MYO1D: variants seen among roughly 807,000 people sequenced by gnomAD.
MYO1D encodes the protein myosin ID, also known as unconventional myosin-Id.
A neutral mutation model predicts 122.0 loss-of-function variants in MYO1D; 83 were observed. That is an observed-to-expected ratio of 0.68 (90% CI 0.57 to 0.82). MYO1D has a LOEUF of 0.82. Ranked by LOEUF, MYO1D falls within the 40% of genes least tolerant of loss-of-function variation. MYO1D has a pLI of 0.00. For missense variants in MYO1D, 1,157 were observed against 1,269.5 expected, an observed-to-expected ratio of 0.91 and a Z score of 1.35; for synonymous variants, 464 against 446.9, an observed-to-expected ratio of 1.04 and a Z score of -0.48.
chr17:32,517,297 A>G (rs1250840224), intron 21 of MYO1D, among the ~76,000 whole-genome samples: 1 of 152,244 alleles, frequency 6.6e-6, no homozygotes, highest in Non-Finnish European at 1.5e-5. Context: ...AGGCATTTTA[A>G]GGCAAAGAGA....
chr17:32,600,144 C>T lies in MYO1D; in HGVS notation c.2864+4943G>A, dbSNP rs1352261915. Among the ~76,000 whole-genome samples the T allele has an allele frequency of 4.7e-4, 71 of 152,058 alleles. 1 individual carries two copies. The highest frequency in any genetic ancestry group is 4.5e-3 in the Admixed American group (68 of 15,272). On this transcript the variant is annotated intron_variant, in intron 21 of 21. Transcript: ENST00000318217. ...ATGTTTTGAAAGGAATCTTTTTTTT[C>T]TGAGCAGCAGGTCTCAACAGTGGGC...
At chr17:32,647,086 A>G (rs1462808732) in intron 19 of MYO1D, among the ~76,000 whole-genome samples, 2 of 152,224 alleles carry the variant, frequency 1.3e-5, no homozygotes, top group African/African-American at 2.4e-5. Flanking sequence ...CCTAAACACT[A>G]CAAGTGATCT....
intron 21 of MYO1D, among the ~76,000 whole-genome samples, chr17:32,574,019 A>AT (rs2087255609): frequency 1.3e-5 from 2 of 151,270 alleles, no homozygotes; most frequent in South Asian, 4.2e-4. Flanking sequence ...CGCCCGGCTA[A>AT]TTTTTTGTAT....
intron 21 of MYO1D, among the ~76,000 whole-genome samples, chr17:32,565,248 C>T (rs985285001): frequency 5.3e-5 from 8 of 152,224 alleles, no homozygotes; most frequent in Non-Finnish European, 1.2e-4. Context: ...AGGTGATCCT[C>T]CTGCCTCGGC....
chr17:32,767,589 C>T (rs1260213248), intron 7 of MYO1D, 47 bp downstream of exon 7: 21 of 1,236,132 alleles, frequency 1.7e-5, no homozygotes, highest in Non-Finnish European at 2.3e-5. Context: ...AGAAAGCATC[C>T]TGTTCTCAGC....
intron 21 of MYO1D, 126 bp from the exon 22 acceptor site, chr17:32,495,041 G>T: frequency 8.3e-7 from 1 of 1,203,232 alleles, no homozygotes; most frequent in Non-Finnish European, 1.1e-6. Context: ...CCAGGAGGAT[G>T]CCTGAAGGGC....
At chr17:32,696,711 A>C (rs2089178234) in intron 16 of MYO1D, among the ~76,000 whole-genome samples, 1 of 152,194 alleles carries the variant, frequency 6.6e-6, no homozygotes, top group South Asian at 2.1e-4. Flanking sequence ...GCTGTTTGCT[A>C]TGCAGGGCAA....
chr17:32,507,435 G>A (rs1320990504), intron 21 of MYO1D, among the ~76,000 whole-genome samples: 1 of 151,962 alleles, frequency 6.6e-6, no homozygotes, highest in East Asian at 1.9e-4. Context: ...AAAAACTTGG[G>A]TGTATGTGTG....
In MYO1D at chr17:32,494,750, C is replaced by T. The variant is rs368188856; in HGVS notation, c.*9G>A. 1.3e-4 allele frequency: 201 copies of T among 1,587,276 alleles called. 1 individual carries two copies. Among genetic ancestry groups the T allele is most frequent in the African/African-American group, 6.6e-4 (49 of 74,196 alleles). On this transcript the variant is annotated 3_prime_UTR_variant, in exon 22 of 22. Transcript: ENST00000318217. Reference sequence around the variant, plus strand: ...GTGGCCGGGCTCCGGGCCAGGCCTCCGCGGGGCGTCAGTTCCCGGGCACGC... The same window carrying T: ...GTGGCCGGGCTCCGGGCCAGGCCTCTGCGGGGCGTCAGTTCCCGGGCACGC...
intron 21 of MYO1D, among the ~76,000 whole-genome samples, chr17:32,560,929 T>C (rs1352030132): frequency 2.7e-5 from 4 of 150,882 alleles, no homozygotes; most frequent in African/African-American, 9.8e-5. Context: ...TTTTTTTTTT[T>C]TTTGAGAGTC....
intron 21 of MYO1D, among the ~76,000 whole-genome samples, chr17:32,581,648 C>A (rs2087341091): frequency 1.3e-5 from 2 of 151,942 alleles, no homozygotes; most frequent in African/African-American, 4.8e-5. Flanking sequence ...TCTTGGCTCA[C>A]TGCAGCCTCA....
At chr17:32,522,081 C>CAAAAAAAAAAAAAAAAAAAAA (rs35096680) in intron 21 of MYO1D, among the ~76,000 whole-genome samples, 1 of 63,228 alleles carries the variant, frequency 1.6e-5, no homozygotes. Context: ...GACTCTGTCT[C>CAAAAAAAAAAAAAAAAAAAAA]AAAAAAAAAA....
intron 21 of MYO1D, among the ~76,000 whole-genome samples, chr17:32,600,727 G>T (rs1015474499): frequency 2.0e-5 from 3 of 152,130 alleles, no homozygotes; most frequent in Non-Finnish European, 2.9e-5. Context: ...TGGCTGGTTT[G>T]ATCTTTTATC....
chr17:32,806,456 C>T (rs1024917115), intron 1 of MYO1D, among the ~76,000 whole-genome samples: 1 of 152,156 alleles, frequency 6.6e-6, no homozygotes, highest in East Asian at 1.9e-4. Context: ...CTTAACTTCC[C>T]GGGCTCAAGT....
chr17:32,742,701 C>G (rs563740113), intron 13 of MYO1D, among the ~76,000 whole-genome samples: 127 of 152,300 alleles, frequency 8.3e-4, no homozygotes, highest in African/African-American at 3.0e-3. Flanking sequence ...TCCCTTTTCC[C>G]CATGCCCAGT....
chr17:32,702,729 A>G (rs956626542), intron 16 of MYO1D, among the ~76,000 whole-genome samples: 3 of 152,200 alleles, frequency 2.0e-5, no homozygotes, highest in Admixed American at 1.3e-4. Context: ...AAGTATTTCT[A>G]TTATTTCCTA....
intron 1 of MYO1D, among the ~76,000 whole-genome samples, chr17:32,875,528 T>C (rs1429053310): frequency 4.6e-5 from 7 of 152,198 alleles, no homozygotes; most frequent in Non-Finnish European, 8.8e-5. Flanking sequence ...AATTTGAATC[T>C]CAACAGTCTG....
chr17:32,619,844 TC>T (rs2087831837), intron 20 of MYO1D, among the ~76,000 whole-genome samples: 1 of 152,230 alleles, frequency 6.6e-6, no homozygotes, highest in Non-Finnish European at 1.5e-5. Context: ...GATTATTCAC[TC>T]ATCATTTTAG....
chr17:32,876,211 GAACA>G (rs1691884458), intron 1 of MYO1D, among the ~76,000 whole-genome samples: 1 of 151,996 alleles, frequency 6.6e-6, no homozygotes, highest in Admixed American at 6.6e-5. Context: ...CAGTGTCCCG[GAACA>G]GACAGCTCAG....
Sources: allele counts gnomAD v4.1 joint callset (sites outside exome capture counted in the v4.1 genomes callset), GRCh38; gene constraint gnomAD v4.1.1; transcripts MANE v1.5; gene names NCBI Gene and HGNC (gene_info 2026-07-23, HGNC 2026-07-21).